The following WWOX variants were observed in gnomAD, a reference collection of about 807,000 sequenced individuals.
WWOX encodes the protein WW domain containing oxidoreductase, also known as WW domain-containing oxidoreductase.
Under a neutral mutation model 46.2 loss-of-function variants are expected in WWOX, and 69 were observed. The observed-to-expected ratio is 1.49, with a 90% CI of 1.23 to 1.82. WWOX has a LOEUF of 1.82. WWOX is among the 40% of genes most tolerant of loss of function. WWOX has a pLI of 0.00. For missense variants in WWOX, 919 were observed against 542.6 expected (o/e 1.69, Z -6.89); for synonymous variants, 359 against 202.6 (o/e 1.77, Z -6.56).
chr16:78,557,689 A>ATTGTTTTTTTTTTTT (rs2044336457), intron 8 of WWOX, among the ~76,000 whole-genome samples: 2 of 96,648 alleles, frequency 2.1e-5, no homozygotes, highest in Admixed American at 1.1e-4. Context: ...CTAGGGAAGG[A>ATTGTTTTTTTTTTTT]TTTTTTTTTT....
chr16:79,094,082 C>T (rs1352558529), intron 8 of WWOX, among the ~76,000 whole-genome samples: 4 of 152,146 alleles, frequency 2.6e-5, no homozygotes, highest in Non-Finnish European at 4.4e-5. Context: ...GCCCACCTAG[C>T]ACTCATCCCA....
chr16:79,053,940 C>T (rs914960517), intron 8 of WWOX, among the ~76,000 whole-genome samples: 4 of 151,850 alleles, frequency 2.6e-5, no homozygotes, highest in South Asian at 2.1e-4. Flanking sequence ...GTGGTTAGAA[C>T]TAAGAGGATT....
intron 8 of WWOX, among the ~76,000 whole-genome samples, chr16:79,080,263 A>T (rs1175363265): frequency 1.3e-5 from 2 of 152,178 alleles, no homozygotes; most frequent in South Asian, 4.1e-4. Context: ...CCCACACAGG[A>T]GTCCTTTTCT....
At chr16:78,734,977 T>G (rs2049052496) in intron 8 of WWOX, among the ~76,000 whole-genome samples, 1 of 147,958 alleles carries the variant, frequency 6.8e-6, no homozygotes, top group South Asian at 2.2e-4. Flanking sequence ...GCGATTCTCC[T>G]GCCTCAGCCT....
intron 8 of WWOX, among the ~76,000 whole-genome samples, chr16:78,840,542 G>T (rs1030381884): frequency 6.6e-6 from 1 of 152,230 alleles, no homozygotes; most frequent in Admixed American, 6.5e-5. Flanking sequence ...CATTGTTTAT[G>T]TCAGCATTAA....
At chr16:78,723,294 A>G (rs1370800762) in intron 8 of WWOX, among the ~76,000 whole-genome samples, 4 of 152,174 alleles carry the variant, frequency 2.6e-5, no homozygotes, top group East Asian at 1.9e-4. Context: ...AACTCCCAGC[A>G]TCATGAAGCA....
intron 8 of WWOX, among the ~76,000 whole-genome samples, chr16:78,634,778 A>C (rs2151665172): frequency 6.7e-6 from 1 of 148,668 alleles, no homozygotes; most frequent in East Asian, 2.0e-4. Context: ...AATGAAGCTG[A>C]GGGCCAATAG....
At chr16:78,283,976 C>G (rs2079727530) in intron 5 of WWOX, among the ~76,000 whole-genome samples, 1 of 152,304 alleles carries the variant, frequency 6.6e-6, no homozygotes, top group East Asian at 1.9e-4. Flanking sequence ...CCATTAATAT[C>G]ACGTCATGAT....
At chr16:79,011,135 CCACACA>C (rs10611855) in intron 8 of WWOX, among the ~76,000 whole-genome samples, 2,583 of 146,302 alleles carry the variant, frequency 0.018, 52 homozygotes, top group African/African-American at 0.039. Flanking sequence ...ACTCACACAT[CCACACA>C]CACACACACA....
At chr16:78,281,608 G>A (rs12598622) in intron 5 of WWOX, among the ~76,000 whole-genome samples, 35,680 of 152,064 alleles carry the variant, frequency 0.23, 4,430 homozygotes, top group East Asian at 0.46. Flanking sequence ...CTCATAGTGC[G>A]AAAACAGGCA....
chr16:78,585,582 G>T (rs572879436), intron 8 of WWOX, among the ~76,000 whole-genome samples: 2 of 152,140 alleles, frequency 1.3e-5, no homozygotes, highest in East Asian at 3.9e-4. Context: ...GGCTCCACCA[G>T]GACCTCTTGA....
intron 8 of WWOX, among the ~76,000 whole-genome samples, chr16:78,993,481 C>G (rs1447390344): frequency 6.6e-6 from 1 of 152,144 alleles, no homozygotes; most frequent in African/African-American, 2.4e-5. Flanking sequence ...GCAGGGCTGC[C>G]AGGTGTGATA....
At chr16:78,830,201 A>T (rs1466637134) in intron 8 of WWOX, among the ~76,000 whole-genome samples, 2 of 152,246 alleles carry the variant, frequency 1.3e-5, no homozygotes, top group Admixed American at 6.5e-5. Context: ...GGAGAGGATG[A>T]AGGAAAGAAG....
At position 78,530,242 on chromosome 16, in the gene WWOX, C is replaced by T. The variant is rs145375163; in HGVS notation, c.1056+97490C>T. Among the ~76,000 whole-genome samples the T allele has an allele frequency of 4.5e-3, 686 of 152,272 alleles. 3 individuals are homozygous for T. The highest frequency in any genetic ancestry group is 7.9e-3 in the African/African-American group (330 of 41,548). On this transcript the variant is annotated intron_variant, in intron 8 of 8. Transcript: ENST00000566780. ...AGTGCTCTTTTAGTTTTGCCATCCA[C>T]GGACGGCTTAAGTGTTAACAGTTCA...
At chr16:78,758,982 A>G (rs1334202447) in intron 8 of WWOX, among the ~76,000 whole-genome samples, 1 of 151,152 alleles carries the variant, frequency 6.6e-6, no homozygotes, top group African/African-American at 2.4e-5. Context: ...AACCCAGGGC[A>G]TATTTTAGGT....
rs550837797 is a variant in WWOX, at chr16:78,797,856, C to T, written c.1056+365104C>T. 1.3e-4 allele frequency among the ~76,000 whole-genome samples: 20 copies of T among 152,224 alleles called. No homozygotes were observed. The South Asian group carries it at 2.1e-3, about 16-fold the overall frequency. On this transcript the variant is annotated intron_variant, in intron 8 of 8. Transcript: ENST00000566780. Reference sequence around the variant, plus strand: ...TACAAAAATTAGCTGCGCGTGGTGGCGCGTGCCTGTAGTCCTAGCTACTCA... The same window carrying T: ...TACAAAAATTAGCTGCGCGTGGTGGTGCGTGCCTGTAGTCCTAGCTACTCA...
chr16:79,094,860 A>G (rs945215086), intron 8 of WWOX, among the ~76,000 whole-genome samples: 1 of 152,162 alleles, frequency 6.6e-6, no homozygotes, highest in Admixed American at 6.5e-5. Context: ...ACAGGTTTAC[A>G]CTGTGTCTAC....
At chr16:78,338,076 C>T (rs9922782) in intron 5 of WWOX, among the ~76,000 whole-genome samples, 27,281 of 119,872 alleles carry the variant, frequency 0.23, 8,765 homozygotes, top group African/African-American at 0.38. Flanking sequence ...GATCAAAAGC[C>T]TTCTGGAAAG....
intron 8 of WWOX, among the ~76,000 whole-genome samples, chr16:79,149,161 C>T (rs926022978): frequency 2.0e-5 from 3 of 152,124 alleles, no homozygotes; most frequent in African/African-American, 7.2e-5. Flanking sequence ...TTGATGCTAG[C>T]TGTAAATTTT....
Sources: gnomAD v4.1 joint callset for allele counts (sites outside exome capture counted in the v4.1 genomes callset) on GRCh38, gnomAD v4.1.1 for gene constraint, MANE v1.5 for transcripts, NCBI Gene and HGNC (gene_info 2026-07-23, HGNC 2026-07-21) for gene names.